FHIT: variants seen among roughly 807,000 people sequenced by gnomAD.
FHIT encodes the protein fragile histidine triad diadenosine triphosphatase.
In FHIT, 19 loss-of-function variants were observed where a neutral mutation model predicts 17.9. The ratio of observed to expected loss-of-function variants is 1.06; its 90% CI spans 0.74 to 1.56. The LOEUF is 1.56. Among genes scored for constraint, FHIT ranks in the 40% most tolerant of loss-of-function variants. The pLI is 0.00. For missense variants in FHIT, 248 were observed against 189.2 expected, an observed-to-expected ratio of 1.31 and a Z score of -1.82; for synonymous variants, 81 against 69.7, an observed-to-expected ratio of 1.16 and a Z score of -0.81.
rs146449283 is a variant in FHIT, at chr3:60,811,789, T to C, written c.-18+10130A>G. 3.1e-3 allele frequency among the ~76,000 whole-genome samples: 473 copies of C among 152,112 alleles called. 6 individuals are homozygous for C. Among genetic ancestry groups the C allele is most frequent in the East Asian group, 0.018 (93 of 5,170 alleles). On this transcript the variant is annotated intron_variant, in intron 4 of 9. Coordinates refer to ENST00000492590, the MANE Select transcript of FHIT (RefSeq NM_002012.4). ...TAGCCTTCTAGTTACGAGGAAAAAA[T>C]ATGGAAGCTTCAGGGTCCTTATTTC...
At chr3:61,139,092 C>A (rs905916970) in intron 2 of FHIT, among the ~76,000 whole-genome samples, 1 of 147,434 alleles carries the variant, frequency 6.8e-6, no homozygotes, top group Middle Eastern at 3.5e-3. Flanking sequence ...TGCAGTGGTG[C>A]GATCTCGGCT....
At chr3:60,281,189 G>C (rs1707433203) in intron 5 of FHIT, among the ~76,000 whole-genome samples, 1 of 152,038 alleles carries the variant, frequency 6.6e-6, no homozygotes. Flanking sequence ...TCTGATGAAA[G>C]AAATAAAATC....
intron 8 of FHIT, among the ~76,000 whole-genome samples, chr3:59,868,168 A>C (rs780583331): frequency 6.6e-6 from 1 of 151,928 alleles, no homozygotes; most frequent in Non-Finnish European, 1.5e-5. Context: ...TCATAAATGC[A>C]GTCACCAAGT....
chr3:60,309,946 A>G (rs1708865437), intron 5 of FHIT, among the ~76,000 whole-genome samples: 1 of 151,924 alleles, frequency 6.6e-6, no homozygotes. Context: ...TCCACTTCAC[A>G]TTCGAGTGTC....
intron 2 of FHIT, among the ~76,000 whole-genome samples, chr3:61,044,610 T>G (rs2107700449): frequency 6.6e-6 from 1 of 151,852 alleles, no homozygotes; most frequent in Middle Eastern, 3.4e-3. Context: ...AGGCCAAAAT[T>G]CAAATTCAGG....
intron 5 of FHIT, among the ~76,000 whole-genome samples, chr3:60,283,232 C>G (rs1011580951): frequency 1.3e-5 from 2 of 151,362 alleles, no homozygotes; most frequent in African/African-American, 4.8e-5. Flanking sequence ...GGGATATATA[C>G]ACACACACAC....
chr3:60,664,583 C>A (rs1291990384), intron 4 of FHIT, among the ~76,000 whole-genome samples: 1 of 151,446 alleles, frequency 6.6e-6, no homozygotes, highest in Admixed American at 6.6e-5. Context: ...TGGTATAATT[C>A]TCCAGTGAAA....
chr3:61,203,215 G>A (rs1280748897), intron 1 of FHIT, among the ~76,000 whole-genome samples: 2 of 148,054 alleles, frequency 1.4e-5, no homozygotes, highest in Non-Finnish European at 3.0e-5. Flanking sequence ...TGGGCGTGGT[G>A]GTGGGCACCT....
intron 5 of FHIT, among the ~76,000 whole-genome samples, chr3:60,362,519 T>C (rs367721611): frequency 6.6e-5 from 10 of 152,190 alleles, no homozygotes; most frequent in African/African-American, 2.4e-4. Flanking sequence ...GTGCTTATTG[T>C]GGATAAGGAC....
intron 3 of FHIT, among the ~76,000 whole-genome samples, chr3:60,939,674 T>C (rs979448873): frequency 4.1e-4 from 63 of 152,308 alleles, no homozygotes; most frequent in Non-Finnish European, 3.8e-4. Context: ...CCATTATTTT[T>C]ACTACAGAAA....
chr3:60,839,207 T>C (rs1702635201), intron 3 of FHIT, among the ~76,000 whole-genome samples: 1 of 152,226 alleles, frequency 6.6e-6, no homozygotes, highest in Non-Finnish European at 1.5e-5. Context: ...TGATTGCTAC[T>C]ATAACACTCT....
intron 5 of FHIT, among the ~76,000 whole-genome samples, chr3:60,136,573 A>G (rs898316259): frequency 2.0e-5 from 3 of 152,112 alleles, no homozygotes; most frequent in Admixed American, 6.5e-5. Context: ...TCCAATTTCT[A>G]TCCTTATAGG....
chr3:60,177,529 C>G (rs1366476675), intron 5 of FHIT, among the ~76,000 whole-genome samples: 1 of 152,118 alleles, frequency 6.6e-6, no homozygotes, highest in African/African-American at 2.4e-5. Context: ...TAGGTCAAAA[C>G]AGAAGAGGCT....
At chr3:59,962,763 T>C (rs1707745668) in intron 7 of FHIT, among the ~76,000 whole-genome samples, 2 of 152,240 alleles carry the variant, frequency 1.3e-5, no homozygotes, top group Non-Finnish European at 2.9e-5. Flanking sequence ...CTTAAAGCAA[T>C]TGTTCACACA....
At chr3:60,028,494 A>C (rs1455433228) in intron 5 of FHIT, among the ~76,000 whole-genome samples, 2 of 152,222 alleles carry the variant, frequency 1.3e-5, no homozygotes, top group African/African-American at 4.8e-5. Flanking sequence ...TCTGGTATTC[A>C]GTCAGAGGCA....
At chr3:60,887,018 CTA>C (rs1705255004) in intron 3 of FHIT, among the ~76,000 whole-genome samples, 1 of 152,112 alleles carries the variant, frequency 6.6e-6, no homozygotes, top group South Asian at 2.1e-4. Context: ...ATGTTATCAA[CTA>C]TGTTATTTTT....
intron 3 of FHIT, among the ~76,000 whole-genome samples, chr3:60,970,771 T>A (rs1709971503): frequency 6.6e-6 from 1 of 152,190 alleles, no homozygotes; most frequent in African/African-American, 2.4e-5. Context: ...TTGCCTTTAT[T>A]TTAATTCCAC....
At chr3:60,841,863 T>TA (rs1190774542) in intron 3 of FHIT, among the ~76,000 whole-genome samples, 7 of 151,726 alleles carry the variant, frequency 4.6e-5, no homozygotes, top group South Asian at 2.1e-4. Context: ...TACTAAATAT[T>TA]AAAAAAAAAT....
chr3:60,582,986 G>T (rs1007404817), intron 4 of FHIT, among the ~76,000 whole-genome samples: 1 of 151,822 alleles, frequency 6.6e-6, no homozygotes, highest in Admixed American at 6.6e-5. Context: ...ACCAGCCCTT[G>T]CAATCACCAA....
Sources: allele counts gnomAD v4.1 joint callset (sites outside exome capture counted in the v4.1 genomes callset), GRCh38; gene constraint gnomAD v4.1.1; transcripts MANE v1.5; gene names NCBI Gene and HGNC (gene_info 2026-07-23, HGNC 2026-07-21).